The following PCDH11X variants were observed in gnomAD, a reference collection of about 807,000 sequenced individuals.
PCDH11X encodes the protein protocadherin-11 X-linked.
PCDH11X carries 18 observed loss-of-function variants against 53.3 expected under a neutral mutation model. The observed-to-expected ratio is 0.34, with a 90% CI of 0.23 to 0.50. The LOEUF (loss-of-function observed/expected upper bound fraction) is 0.50, where lower values mean the gene tolerates loss of function less well. PCDH11X is among the 20% of genes least tolerant of loss of function. The probability of loss-of-function intolerance (pLI) is 0.98; values close to 1 mark genes in which losing one functional copy is unlikely to be tolerated. For missense variants in PCDH11X, 570 were observed against 1,032.4 expected (o/e 0.55, Z 6.14); for synonymous variants, 279 against 393.3 (o/e 0.71, Z 3.44).
intron 10 of PCDH11X, among the ~76,000 whole-genome samples, chrX:92,529,014 C>T (rs2074508915): frequency 9.0e-6 from 1 of 111,287 alleles, no homozygotes; most frequent in Non-Finnish European, 1.9e-5. Context: ...AGATTTAGAT[C>T]GCTGTCTGAA....
chrX:92,013,724 C>T (rs58680277), intron 6 of PCDH11X, among the ~76,000 whole-genome samples: 1,764 of 111,022 alleles, frequency 0.016, 38 homozygotes, highest in African/African-American at 0.051. Flanking sequence ...TCAGAAATAA[C>T]GCCACACATC....
intron 8 of PCDH11X, among the ~76,000 whole-genome samples, chrX:92,334,223 A>C (rs1399846571): frequency 1.2e-4 from 13 of 111,990 alleles, no homozygotes; most frequent in African/African-American, 3.9e-4. Flanking sequence ...TAAAATATTA[A>C]CATTGATCAA....
chrX:92,515,878 G>C (rs1399627298), intron 10 of PCDH11X, among the ~76,000 whole-genome samples: 1 of 110,365 alleles, frequency 9.1e-6, no homozygotes, highest in Non-Finnish European at 1.9e-5. Context: ...ATTTTCTATT[G>C]GAAAATGTCT....
At chrX:91,971,223 C>T (rs1470880886) in intron 6 of PCDH11X, among the ~76,000 whole-genome samples, 4 of 109,292 alleles carry the variant, frequency 3.7e-5, no homozygotes, top group African/African-American at 1.0e-4. Flanking sequence ...TTATGTGCAC[C>T]TGGGGTCCTG....
intron 6 of PCDH11X, among the ~76,000 whole-genome samples, chrX:91,887,440 C>T (rs1940283291): frequency 9.0e-6 from 1 of 110,907 alleles, no homozygotes; most frequent in African/African-American, 3.3e-5. Flanking sequence ...TTTTTTCATA[C>T]ATCGTGCGTG....
rs116686227 is a variant in PCDH11X at position 92,239,988 on chromosome X, C to G, written c.3115-23126C>G. 7.0e-3 allele frequency among the ~76,000 whole-genome samples: 780 copies of G among 111,875 alleles called. 4 individuals carry two copies. The highest frequency in any genetic ancestry group is 0.024 in the African/African-American group (728 of 30,814). On this transcript the variant is annotated intron_variant, in intron 7 of 10. Coordinates refer to ENST00000682573, the MANE Select transcript of PCDH11X (RefSeq NM_032968.5). ...TAATTTTACAGTGAATAATAGTATA[C>G]AGACTTATTTGTTTCTAATGCTAGT...
At chrX:92,267,191 A>T (rs1300245177) in intron 8 of PCDH11X, among the ~76,000 whole-genome samples, 2 of 112,086 alleles carry the variant, frequency 1.8e-5, no homozygotes, top group Admixed American at 9.5e-5. Context: ...TTCCATGTAG[A>T]CATTTTTTTC....
At chrX:92,429,370 C>T (rs2072197928) in intron 9 of PCDH11X, among the ~76,000 whole-genome samples, 1 of 109,993 alleles carries the variant, frequency 9.1e-6, no homozygotes, top group Non-Finnish European at 1.9e-5. Context: ...ACAGATGAGA[C>T]AGCTAGCACC....
intron 8 of PCDH11X, among the ~76,000 whole-genome samples, chrX:92,338,731 T>C (rs35009888): frequency 8.9e-6 from 1 of 111,803 alleles, no homozygotes; most frequent in Non-Finnish European, 1.9e-5. Flanking sequence ...TTCATTTTTA[T>C]TGCTAGCAAT....
chrX:92,343,381 G>A (rs1455277061), intron 8 of PCDH11X, among the ~76,000 whole-genome samples: 1 of 111,429 alleles, frequency 9.0e-6, no homozygotes, highest in African/African-American at 3.3e-5. Context: ...TTACTGAGTC[G>A]GTTTTCACCT....
chrX:92,513,080 G>A (rs898492117), intron 10 of PCDH11X, among the ~76,000 whole-genome samples: 21 of 110,251 alleles, frequency 1.9e-4, no homozygotes, highest in Non-Finnish European at 4.0e-4. Context: ...TGCTTATTCA[G>A]TACAAGTTAG....
At chrX:91,885,423 C>A (rs1940150592) in intron 6 of PCDH11X, among the ~76,000 whole-genome samples, 1 of 110,766 alleles carries the variant, frequency 9.0e-6, no homozygotes, top group Admixed American at 9.7e-5. Context: ...TTTCCAAAAT[C>A]TACAGTCTCA....
chrX:92,173,945 A>G (rs1405560435), intron 6 of PCDH11X, among the ~76,000 whole-genome samples: 1 of 87,290 alleles, frequency 1.1e-5, no homozygotes, highest in Non-Finnish European at 2.1e-5. Flanking sequence ...TGATAGCACC[A>G]CAGCATGACA....
At chrX:91,844,771 C>T (rs1937594215) in intron 5 of PCDH11X, among the ~76,000 whole-genome samples, 1 of 106,097 alleles carries the variant, frequency 9.4e-6, no homozygotes, top group African/African-American at 3.4e-5. Flanking sequence ...GCCAAGATAT[C>T]CTCTGAGGAC....
intron 8 of PCDH11X, among the ~76,000 whole-genome samples, chrX:92,265,324 G>T (rs1431557964): frequency 9.0e-6 from 1 of 110,931 alleles, no homozygotes; most frequent in Non-Finnish European, 1.9e-5. Context: ...AGAAGCTAAT[G>T]ATTGGGACAC....
chrX:91,839,523 G>T (rs1047527009), intron 5 of PCDH11X, among the ~76,000 whole-genome samples: 4 of 107,581 alleles, frequency 3.7e-5, no homozygotes, highest in Non-Finnish European at 7.7e-5. Flanking sequence ...AGAATCACTT[G>T]AATTCGGGAG....
chrX:92,277,513 G>A (rs1172657566), intron 8 of PCDH11X, among the ~76,000 whole-genome samples: 2 of 108,724 alleles, frequency 1.8e-5, no homozygotes, highest in African/African-American at 6.7e-5. Context: ...GTTGCCTATA[G>A]CGAAGGAAGC....
At chrX:92,234,081 T>C (rs1185770827) in intron 7 of PCDH11X, among the ~76,000 whole-genome samples, 1 of 112,232 alleles carries the variant, frequency 8.9e-6, no homozygotes, top group African/African-American at 3.2e-5. Flanking sequence ...ATTGTTATAA[T>C]TAGTTTCTAA....
At chrX:91,913,597 C>A (rs1414697169) in intron 6 of PCDH11X, among the ~76,000 whole-genome samples, 1 of 111,574 alleles carries the variant, frequency 9.0e-6, no homozygotes, top group Non-Finnish European at 1.9e-5. Context: ...CAAACCCTGC[C>A]CCCACATGAC....
Sources: allele counts gnomAD v4.1 joint callset (sites outside exome capture counted in the v4.1 genomes callset), GRCh38; gene constraint gnomAD v4.1.1; transcripts MANE v1.5; gene names NCBI Gene and HGNC (gene_info 2026-07-23, HGNC 2026-07-21).